The following STAB2 variants were observed in gnomAD, a reference collection of about 807,000 sequenced individuals.
STAB2 encodes stabilin 2, also known as stabilin-2.
Under a neutral mutation model 338.1 loss-of-function variants are expected in STAB2, and 288 were observed. That is an observed-to-expected ratio of 0.85 (90% CI 0.77 to 0.94). The LOEUF is 0.94. Among genes scored for constraint, STAB2 ranks in the 40% least tolerant of loss-of-function variants. STAB2 has a pLI of 0.00. For missense variants in STAB2, 3,141 were observed against 3,210.1 expected, an observed-to-expected ratio of 0.98 and a Z score of 0.52; for synonymous variants, 1,202 against 1,193.3, an observed-to-expected ratio of 1.01 and a Z score of -0.15.
chr12:103,735,700 T>C, intron 52 of STAB2, 120 bp downstream of exon 52: 1 of 780,362 alleles, frequency 1.3e-6, no homozygotes, highest in Non-Finnish European at 1.9e-6. Context: ...AGCGGGCTCA[T>C]TTTTTTTCTC....
At chr12:103,612,048 A>T (rs1323353867) in intron 3 of STAB2, among the ~76,000 whole-genome samples, 1 of 152,208 alleles carries the variant, frequency 6.6e-6, no homozygotes, top group East Asian at 1.9e-4. Flanking sequence ...GTTTCTGCTG[A>T]GATATCCACT....
In STAB2 at chr12:103,683,255, A is replaced by C; in HGVS notation, c.2856A>C (p.Glu952Asp). Residue 952 changes from glutamate (E) to aspartate (D), a missense_variant, in exon 26 of 69, where the codon GAA (glutamate) becomes GAC (aspartate). Glu to Asp is a conservative substitution (Grantham distance 45). Transcript: ENST00000388887. ...TTCGAGGAAATGGGATTGACTGTGAACCAATAACTTCATGCTTGGAACAAA... is the reference window on the plus strand; with the variant it reads ...TTCGAGGAAATGGGATTGACTGTGACCCAATAACTTCATGCTTGGAACAAA... The part of the protein sequence containing the change: ...KGFRGNGIDC[E>D]PITSCLEQTG... The C allele has an allele frequency of 6.2e-7, 1 of 1,613,468 alleles. No individual in the cohort carries two copies. Among genetic ancestry groups the C allele is most frequent in the Non-Finnish European group, 8.5e-7 (1 of 1,179,724 alleles).
intron 3 of STAB2, among the ~76,000 whole-genome samples, chr12:103,619,282 G>C (rs1222205812): frequency 5.3e-5 from 8 of 152,000 alleles, no homozygotes; most frequent in Non-Finnish European, 1.0e-4. Flanking sequence ...TTTCTGCTTG[G>C]TGCTTGCAGG....
At chr12:103,685,262 G>A (rs1213777207) in intron 27 of STAB2, among the ~76,000 whole-genome samples, 178 bp downstream of exon 27, 2 of 152,150 alleles carry the variant, frequency 1.3e-5, no homozygotes, top group Non-Finnish European at 2.9e-5. Context: ...ACAGGCTGAA[G>A]GCAGCTGGCT....
chr12:103,640,374 A>C, intron 9 of STAB2, 118 bp downstream of exon 9: 1 of 1,302,434 alleles, frequency 7.7e-7, no homozygotes, highest in Non-Finnish European at 1.1e-6. Context: ...ATCCACCCCC[A>C]CCCCACATAG....
At chr12:103,707,974 G>T (rs540437968) in intron 38 of STAB2, among the ~76,000 whole-genome samples, 2 of 152,304 alleles carry the variant, frequency 1.3e-5, no homozygotes, top group East Asian at 3.9e-4. Context: ...TTCTGGGGAA[G>T]GCATCTGTAG....
rs772417471 is a variant in STAB2, at chr12:103,740,762, G to A, written c.5881+6G>A. The stretch of plus-strand genomic sequence containing the variant: ...CTTCGGGCGAGACTGTCAGGGTGAG[G>A]GTGCCTCTTCCCCCCTCGCAACTCT... On this transcript the variant is annotated splice_donor_region_variant and intron_variant, in intron 55 of 68. Coordinates refer to ENST00000388887, the MANE Select transcript of STAB2 (RefSeq NM_017564.10). 3 of 1,567,660 alleles carry A rather than the reference G, an allele frequency of 1.9e-6. No homozygotes were observed. Among genetic ancestry groups the A allele is most frequent in the Admixed American group, 4.2e-5 (2 of 48,044 alleles).
chr12:103,650,645 T>C, intron 11 of STAB2, 67 bp downstream of exon 11: 3 of 1,319,110 alleles, frequency 2.3e-6, no homozygotes, highest in Non-Finnish European at 3.2e-6. Context: ...AGTACCTTCT[T>C]TTATTTAAAG....
chr12:103,700,262 G>A (rs1005889246), intron 34 of STAB2, among the ~76,000 whole-genome samples: 3 of 152,238 alleles, frequency 2.0e-5, no homozygotes, highest in Admixed American at 1.3e-4. Flanking sequence ...TAATTTTAAT[G>A]TAAATTATCA....
Position 103,735,521 on chromosome 12 carries a change from G to A in STAB2, c.5491G>A (p.Ala1831Thr), listed in dbSNP as rs1387277948. The A allele has an allele frequency of 6.2e-7, 1 of 1,611,720 alleles. No homozygotes were observed. Among genetic ancestry groups the A allele is most frequent in the Non-Finnish European group, 8.5e-7 (1 of 1,179,224 alleles). ...AGCTGTGGATCTTCCCACATCCACT[G>A]CCTGGAAGACCCTGCAAGGTTCAGA... ...VLAVDLPTST[A>T]WKTLQGSELS... Residue 1831 changes from alanine (A) to threonine (T), a missense_variant, in exon 52 of 69, where the codon GCC (alanine) becomes ACC (threonine). Transcript: ENST00000388887.
chr12:103,716,958 AAG>A (rs1335985447), intron 43 of STAB2, among the ~76,000 whole-genome samples: 1 of 152,206 alleles, frequency 6.6e-6, no homozygotes, highest in Non-Finnish European at 1.5e-5. Context: ...ATTGTGAAGA[AAG>A]AGGAAGAGAA....
At chr12:103,621,890 T>C (rs1957307536) in intron 4 of STAB2, 152 bp from the exon 5 acceptor site, 1 of 688,108 alleles carries the variant, frequency 1.5e-6, no homozygotes, top group Admixed American at 2.9e-5. Flanking sequence ...ATGCATGCAA[T>C]GATAACACAA....
intron 22 of STAB2, among the ~76,000 whole-genome samples, 159 bp from the exon 23 acceptor site, chr12:103,673,748 A>C (rs1180057724): frequency 6.6e-6 from 1 of 152,208 alleles, no homozygotes; most frequent in Non-Finnish European, 1.5e-5. Flanking sequence ...GACTCCAAGA[A>C]ATAGCAGCCT....
chr12:103,645,814 G>C (rs190544945), intron 9 of STAB2, among the ~76,000 whole-genome samples: 1 of 148,518 alleles, frequency 6.7e-6, no homozygotes, highest in South Asian at 2.2e-4. Context: ...GCTGGGCTGT[G>C]TAAGTAGATC....
In STAB2 at chr12:103,622,122, T is replaced by C. The variant is rs1272763207; in HGVS notation, c.487+11T>C. ...CCAGCTGTTCATCAGGTATGTCTGA[T>C]TTTTGTGTAATCACCACATTTGTAA... On this transcript the variant is annotated intron_variant, in intron 5 of 68. Transcript: ENST00000388887. The C allele has an allele frequency of 1.1e-5, 17 of 1,614,164 alleles. No individual in the cohort carries two copies. Among genetic ancestry groups the C allele is most frequent in the Non-Finnish European group, 1.4e-5 (17 of 1,179,996 alleles).
Position 103,735,485 on chromosome 12 carries a change from C to T in STAB2, c.5461-6C>T. 2 of 1,603,560 alleles carry T rather than the reference C, an allele frequency of 1.2e-6. No homozygotes were observed. The highest frequency in any genetic ancestry group is 1.1e-5 in the South Asian group (1 of 88,892). ...GGGCAGTCACGTGGTGCCATCACTC[C>T]TACAGGTTTTAGCTGTGGATCTTCC... On this transcript the variant is annotated splice_region_variant and splice_polypyrimidine_tract_variant and intron_variant, in intron 51 of 68. Coordinates refer to ENST00000388887, the MANE Select transcript of STAB2 (RefSeq NM_017564.10).
At chr12:103,712,477 G>A (rs1286559150) in intron 41 of STAB2, 34 bp downstream of exon 41, 22 of 1,540,812 alleles carry the variant, frequency 1.4e-5, no homozygotes, top group Non-Finnish European at 2.0e-5. Context: ...GGGGGGGCTG[G>A]CAAGGCTTGC....
In STAB2 at chr12:103,748,436, C is replaced by T. The variant is rs142525328; in HGVS notation, c.6245-527C>T. ...GAAAGCATGGATTTTTGGAGGCAAA[C>T]CAACCTGGGTTTAAATCTTCAGCCA... On this transcript the variant is annotated intron_variant, in intron 58 of 68. Transcript: ENST00000388887. 6.4e-4 allele frequency among the ~76,000 whole-genome samples: 97 copies of T among 152,226 alleles called. No individual in the cohort carries two copies. In the East Asian group the frequency reaches 0.016, roughly 25 times the overall value.
chr12:103,669,882 A>G (rs1450282828), intron 21 of STAB2, among the ~76,000 whole-genome samples: 2 of 152,124 alleles, frequency 1.3e-5, no homozygotes, highest in Non-Finnish European at 2.9e-5. Flanking sequence ...CTCAAGAAGG[A>G]TCTCTGGGCC....
Sources: allele counts gnomAD v4.1 joint callset (sites outside exome capture counted in the v4.1 genomes callset), GRCh38; gene constraint gnomAD v4.1.1; transcripts MANE v1.5; gene names NCBI Gene and HGNC (gene_info 2026-07-23, HGNC 2026-07-21).